The following ZNF17 variants were observed in gnomAD, a reference collection of about 807,000 sequenced individuals.
ZNF17 encodes the protein zinc finger protein 17, also known as zinc finger protein 17 (HPF3, KOX 10).
In ZNF17, 4 loss-of-function variants were observed where a neutral mutation model predicts 7.7. That is an observed-to-expected ratio of 0.52 (90% CI 0.26 to 1.20). The LOEUF (loss-of-function observed/expected upper bound fraction) is 1.20, where lower values mean the gene tolerates loss of function less well. Among genes scored for constraint, ZNF17 ranks in the 50% most tolerant of loss-of-function variants. ZNF17 has a pLI of 0.14. For synonymous variants in ZNF17, 249 were observed against 258.8 expected (o/e 0.96, Z 0.36); for missense variants, 738 against 799.5 (o/e 0.92, Z 0.93).
In ZNF17 at chr19:57,421,008, T is replaced by C; in HGVS notation, c.1522T>C (p.Ser508Pro). The C allele has an allele frequency of 1.2e-6, 2 of 1,613,862 alleles. No homozygotes were observed. Among genetic ancestry groups the C allele is most frequent in the Non-Finnish European group, 1.7e-6 (2 of 1,179,972 alleles). Residue 508 changes from serine (S) to proline (P), a missense_variant, in exon 4 of 4, where the codon TCC (serine) becomes CCC (proline). By Grantham distance (74) the Ser-to-Pro change is moderately conservative (BLOSUM62 -1). Coordinates refer to ENST00000307658, the MANE Select transcript of ZNF17 (RefSeq NM_001330617.2). ...TTTTGAATGCAGCATTTGTGGGAAATCCTTTAGATGTCGCTCCACACTTGA... is the reference window on the plus strand; with the variant it reads ...TTTTGAATGCAGCATTTGTGGGAAACCCTTTAGATGTCGCTCCACACTTGA... ...RPFECSICGK[S>P]FRCRSTLDTH...
chr19:57,417,910 A>G lies in ZNF17; in HGVS notation c.22-2A>G. On this transcript the variant is annotated splice_acceptor_variant, in intron 2 of 3. Coordinates refer to ENST00000307658, the MANE Select transcript of ZNF17 (RefSeq NM_001330617.2). LOFTEE classifies it high-confidence loss of function. ...CAGACTAAACTGTTATAATTTTGGC[A>G]GGATTATATGGTTTTTGAGGACGTG... 6.2e-7 allele frequency: 1 copy of G among 1,613,020 alleles called. No homozygotes were observed. The highest frequency in any genetic ancestry group is 8.5e-7 in the Non-Finnish European group (1 of 1,179,546).
intron 1 of ZNF17, 149 bp downstream of exon 1, chr19:57,411,555 G>A (rs1568536652): frequency 6.9e-7 from 1 of 1,439,380 alleles, no homozygotes; most frequent in Non-Finnish European, 9.1e-7. Flanking sequence ...TGAGGCGGGG[G>A]AGCTCCTGTC....
chr19:57,416,033 A>G (rs995504208), intron 2 of ZNF17, among the ~76,000 whole-genome samples: 36 of 152,104 alleles, frequency 2.4e-4, no homozygotes, highest in Non-Finnish European at 2.9e-5. Flanking sequence ...GGGACAACAT[A>G]TACATGTAGA....
intron 2 of ZNF17, among the ~76,000 whole-genome samples, chr19:57,414,878 CT>C (rs201695972): frequency 0.014 from 2,184 of 151,492 alleles, 28 homozygotes; most frequent in Middle Eastern, 0.041. Context: ...GCCCGGCTAA[CT>C]TTTTTTTGTA....
In ZNF17 at chr19:57,420,955, A is replaced by G. The variant is rs748526157; in HGVS notation, c.1469A>G (p.His490Arg). 12 of 1,614,080 alleles carry G rather than the reference A, an allele frequency of 7.4e-6. No homozygotes were observed. The highest frequency in any genetic ancestry group is 1.0e-5 in the Non-Finnish European group (12 of 1,180,036). The part of the protein sequence containing the change: ...FFVDSCTLKS[H>R]QRVHTGERPF... ...GTGGACAGCTGTACACTGAAGAGTC[A>G]TCAGAGAGTTCACACTGGAGAAAGA... Residue 490 changes from histidine (H) to arginine (R), a missense_variant, in exon 4 of 4, where the codon CAT becomes CGT. His to Arg is a conservative substitution (Grantham distance 29). Around this residue, in one of 3 missense-constraint regions of ZNF17, gnomAD observed 616 missense variants for 663.9 expected, o/e 0.93. Transcript: ENST00000307658.
At chr19:57,411,586 C>T in intron 1 of ZNF17, 180 bp downstream of exon 1, 1 of 1,416,940 alleles carries the variant, frequency 7.1e-7, no homozygotes. Context: ...ACGTGCGAGG[C>T]TTAGAGGTGC....
rs1471478200 is a variant in ZNF17 at position 57,421,530 on chromosome 19, C to T, written c.*49C>T. The stretch of plus-strand genomic sequence containing the variant: ...GGGAAAGACTTCACACAGAAATCTA[C>T]TCTGATTTAGCACTGGGACCTACGT... On this transcript the variant is annotated 3_prime_UTR_variant, in exon 4 of 4. Coordinates refer to ENST00000307658, the MANE Select transcript of ZNF17 (RefSeq NM_001330617.2). The T allele has an allele frequency of 6.5e-7, 1 of 1,531,514 alleles. No individual in the cohort carries two copies. The highest frequency in any genetic ancestry group is 1.8e-4 in the Middle Eastern group (1 of 5,662). The allele number at this position is 1,531,514 out of a possible 1,614,324, so 94.9% of individuals were successfully genotyped here.
In ZNF17 at chr19:57,411,366, T is replaced by C. The variant is rs750104474; in HGVS notation, c.-61T>C. 1 of 1,612,452 alleles carries C rather than the reference T, an allele frequency of 6.2e-7. No homozygotes were observed. Among genetic ancestry groups the C allele is most frequent in the Non-Finnish European group, 8.5e-7 (1 of 1,179,290 alleles). On this transcript the variant is annotated 5_prime_UTR_variant, in exon 1 of 4. Transcript: ENST00000307658. ...CTGCCGCTCCCGCCCCGCTCTTCCC[T>C]GGCTGTGCTGGCGGAGGCTGCGCCG...
intron 1 of ZNF17, among the ~76,000 whole-genome samples, chr19:57,412,751 T>C (rs2088786362): frequency 6.6e-6 from 1 of 151,042 alleles, no homozygotes; most frequent in Non-Finnish European, 1.5e-5. Flanking sequence ...GCCGAATGTA[T>C]AAAACATTTA....
intron 2 of ZNF17, 139 bp downstream of exon 2, chr19:57,413,775 C>T: frequency 2.8e-6 from 3 of 1,059,590 alleles, no homozygotes; most frequent in Non-Finnish European, 4.2e-6. Context: ...TTCCACCAGA[C>T]CTGGGTTCCA....
At chr19:57,412,785 C>G (rs1258838008) in intron 1 of ZNF17, among the ~76,000 whole-genome samples, 3 of 151,932 alleles carry the variant, frequency 2.0e-5, no homozygotes, top group Non-Finnish European at 4.4e-5. Context: ...GAACCAGTAT[C>G]CTTCTAAATA....
intron 2 of ZNF17, among the ~76,000 whole-genome samples, chr19:57,416,714 T>C (rs1015556885): frequency 2.0e-5 from 3 of 151,856 alleles, no homozygotes; most frequent in Non-Finnish European, 4.4e-5. Flanking sequence ...TTTACTATCT[T>C]GGCCAGGCAG....
intron 2 of ZNF17, 117 bp from the exon 3 acceptor site, chr19:57,417,795 C>G: frequency 7.7e-7 from 1 of 1,298,216 alleles, no homozygotes; most frequent in Non-Finnish European, 1.1e-6. Context: ...TGCAGTGAGC[C>G]GAGATCACAC....
At chr19:57,418,112 C>G in intron 3 of ZNF17, 74 bp downstream of exon 3, 1 of 1,556,276 alleles carries the variant, frequency 6.4e-7, no homozygotes, top group Non-Finnish European at 8.7e-7. Flanking sequence ...GCATCTCCGT[C>G]TCACACCAGG....
chr19:57,420,503 A>G lies in ZNF17; in HGVS notation c.1017A>G (p.Lys339=). 1 of 1,614,216 alleles carries G rather than the reference A, an allele frequency of 6.2e-7. No individual in the cohort carries two copies. ...ERPYGCNECG[K]YFMYSSALIR... ...CTTATGGATGCAATGAATGTGGGAA[A>G]TACTTTATGTACAGTTCAGCACTCA... The change falls in exon 4 of 4, where the codon AAA becomes AAG. Residue 339 remains lysine (K), a synonymous_variant. Coordinates refer to ENST00000307658, the MANE Select transcript of ZNF17 (RefSeq NM_001330617.2).
chr19:57,417,902 A>C lies in ZNF17; in HGVS notation c.22-10A>C, dbSNP rs1315886580. 6.2e-7 allele frequency: 1 copy of C among 1,613,574 alleles called. No individual in the cohort carries two copies. The highest frequency in any genetic ancestry group is 8.5e-7 in the Non-Finnish European group (1 of 1,179,910). ...GTTGCTCACAGACTAAACTGTTATA[A>C]TTTTGGCAGGATTATATGGTTTTTG... is the stretch of plus-strand genomic sequence containing the variant. On this transcript the variant is annotated splice_polypyrimidine_tract_variant and intron_variant, in intron 2 of 3. Transcript: ENST00000307658.
chr19:57,419,758 G>A lies in ZNF17; in HGVS notation c.272G>A (p.Cys91Tyr), dbSNP rs1429367945. 4 of 1,614,190 alleles carry A rather than the reference G, an allele frequency of 2.5e-6. No homozygotes were observed. Among genetic ancestry groups the A allele is most frequent in the Non-Finnish European group, 3.4e-6 (4 of 1,180,042 alleles). ...STQKAQPCET[C>Y]SSLLKDILHL... is the part of the protein sequence containing the mutation. ...CAGAAGGCCCAGCCCTGTGAGACATGTAGCTCACTTCTGAAGGACATTCTA... is the reference window on the plus strand; with the variant it reads ...CAGAAGGCCCAGCCCTGTGAGACATATAGCTCACTTCTGAAGGACATTCTA... Residue 91 changes from cysteine (C) to tyrosine (Y), a missense_variant, in exon 4 of 4, where the codon TGT becomes TAT. Around this residue, in one of 3 missense-constraint regions of ZNF17, gnomAD observed 616 missense variants for 663.9 expected, o/e 0.93. Coordinates refer to ENST00000307658, the MANE Select transcript of ZNF17 (RefSeq NM_001330617.2).
intron 2 of ZNF17, 58 bp downstream of exon 2, chr19:57,413,694 T>C (rs1600093091): frequency 4.6e-6 from 7 of 1,520,578 alleles, no homozygotes; most frequent in Middle Eastern, 1.7e-4. Context: ...CATGCTGATA[T>C]AGGGAATGGT....
rs1418864795 is a variant in ZNF17 at position 57,420,180 on chromosome 19, A to G, written c.694A>G (p.Asn232Asp). The G allele has an allele frequency of 6.2e-7, 1 of 1,613,228 alleles. No individual in the cohort carries two copies. ...TGAATGTGGCAAATTGTTTAGGTACAACTCCGACCTTATTAAACATCAGCG... is the reference window on the plus strand; with the variant it reads ...TGAATGTGGCAAATTGTTTAGGTACGACTCCGACCTTATTAAACATCAGCG... ...CSECGKLFRY[N>D]SDLIKHQRNH... Residue 232 changes from asparagine to aspartate, a missense_variant, in exon 4 of 4, where the codon AAC becomes GAC. By Grantham distance (23) the Asn-to-Asp change is conservative. This residue lies in a region of ZNF17 where 616 missense variants were observed against 663.9 expected (regional missense o/e 0.93). Coordinates refer to ENST00000307658, the MANE Select transcript of ZNF17 (RefSeq NM_001330617.2).
Sources: allele counts gnomAD v4.1 joint callset (sites outside exome capture counted in the v4.1 genomes callset), GRCh38; gene constraint gnomAD v4.1.1; regional missense constraint gnomAD v4.1.1; transcripts MANE v1.5; gene names NCBI Gene and HGNC (gene_info 2026-07-23, HGNC 2026-07-21).